Variants in ALDH7A1 observed in about 807,000 individuals in gnomAD.
ALDH7A1 encodes alpha-aminoadipic semialdehyde dehydrogenase.
Under a neutral mutation model 79.9 loss-of-function variants are expected in ALDH7A1, and 63 were observed. The observed-to-expected ratio is 0.79, with a 90% CI of 0.64 to 0.97. The LOEUF is 0.97. Among genes scored for constraint, ALDH7A1 ranks in the 50% least tolerant of loss-of-function variants. The pLI is 0.00. For missense variants in ALDH7A1, 627 were observed against 665.2 expected, an observed-to-expected ratio of 0.94 and a Z score of 0.63; for synonymous variants, 240 against 231.2, an observed-to-expected ratio of 1.04 and a Z score of -0.34.
intron 3 of ALDH7A1, chr5:126,592,450 T>C (rs918295711): frequency 8.5e-6 from 5 of 588,870 alleles, no homozygotes; most frequent in African/African-American, 1.9e-5. Context: ...AATTTATCCA[T>C]TCAATGAATG....
chr5:126,541,955 A>G lies in ALDH7A1; in HGVS notation c.*3010T>C, dbSNP rs1382303113. 1 of 66,638 alleles carries G rather than the reference A, an allele frequency of 1.5e-5. No homozygotes were observed. The highest frequency in any genetic ancestry group is 7.7e-4 in the South Asian group (1 of 1,296). 4.1% of individuals were successfully genotyped at this position (66,638 alleles called of 1,614,324 possible). ...AAAAATGTCAATAAAACATTTGTGGACCTTTCCAATAGAAAAAAAAAAAGA... is the reference window on the plus strand; with the variant it reads ...AAAAATGTCAATAAAACATTTGTGGGCCTTTCCAATAGAAAAAAAAAAAGA... On this transcript the variant is annotated 3_prime_UTR_variant, in exon 18 of 18. Transcript: ENST00000409134.
intron 3 of ALDH7A1, among the ~76,000 whole-genome samples, chr5:126,590,212 G>C (rs1359169179): frequency 6.6e-6 from 1 of 152,130 alleles, no homozygotes; most frequent in East Asian, 1.9e-4. Context: ...TGTCTGGGAA[G>C]TGAGGAGCGC....
chr5:126,592,830 T>C, intron 2 of ALDH7A1, 101 bp from the exon 3 acceptor site: 1 of 1,164,038 alleles, frequency 8.6e-7, no homozygotes, highest in Non-Finnish European at 1.3e-6. Context: ...GGGAAATCTC[T>C]AGGGTTCCCT....
chr5:126,547,640 C>G (rs542257219), intron 16 of ALDH7A1, among the ~76,000 whole-genome samples: 41 of 152,274 alleles, frequency 2.7e-4, no homozygotes, highest in African/African-American at 9.9e-4. Context: ...ACAGAAACCT[C>G]TATCATAATA....
At chr5:126,583,135 C>T (rs940814358) in intron 4 of ALDH7A1, among the ~76,000 whole-genome samples, 161 bp from the exon 5 acceptor site, 1 of 152,196 alleles carries the variant, frequency 6.6e-6, no homozygotes, top group South Asian at 2.1e-4. Context: ...ATTGCCTTCA[C>T]TTTTTCCTGT....
At chr5:126,582,202 T>C in intron 5 of ALDH7A1, 1 of 398,404 alleles carries the variant, frequency 2.5e-6, no homozygotes, top group Non-Finnish European at 4.4e-6. Flanking sequence ...ACTACTTCCA[T>C]GGGGTACTAT....
chr5:126,591,757 C>T (rs573359535), intron 3 of ALDH7A1, among the ~76,000 whole-genome samples: 187 of 152,142 alleles, frequency 1.2e-3, no homozygotes, highest in African/African-American at 4.3e-3. Context: ...TAGCTCCCAC[C>T]TAGTGACAAG....
intron 3 of ALDH7A1, 53 bp from the exon 4 acceptor site, chr5:126,584,065 A>G (rs1041474085): frequency 2.2e-6 from 3 of 1,392,364 alleles, no homozygotes; most frequent in African/African-American, 2.8e-5. Context: ...ATTCATGTTT[A>G]TAACACAGTA....
intron 1 of ALDH7A1, chr5:126,593,801 G>A (rs955315106): frequency 3.1e-5 from 10 of 318,826 alleles, no homozygotes; most frequent in African/African-American, 1.5e-4. Context: ...GGAAAGTCCC[G>A]TGTCCACACC....
chr5:126,584,710 T>C (rs995066128), intron 3 of ALDH7A1, among the ~76,000 whole-genome samples: 1 of 139,590 alleles, frequency 7.2e-6, no homozygotes, highest in Non-Finnish European at 1.6e-5. Flanking sequence ...AAACAGCAAG[T>C]GGATTCACGG....
chr5:126,551,320 C>CTT (rs10666972), intron 14 of ALDH7A1, among the ~76,000 whole-genome samples: 23,973 of 145,824 alleles, frequency 0.16, 2,624 homozygotes, highest in East Asian at 0.5. Flanking sequence ...AACTATAGGT[C>CTT]TTTTTTTTTT....
At chr5:126,545,250 T>A (rs1407893070) in intron 17 of ALDH7A1, among the ~76,000 whole-genome samples, 5 of 152,030 alleles carry the variant, frequency 3.3e-5, no homozygotes, top group African/African-American at 1.2e-4. Context: ...TACATGGTTT[T>A]TTTTGTTGGT....
At chr5:126,558,166 C>CAAAAAAAAAAAAAAAAAAAAAAAA (rs35559498) in intron 11 of ALDH7A1, among the ~76,000 whole-genome samples, 2 of 75,426 alleles carry the variant, frequency 2.7e-5, no homozygotes, top group African/African-American at 5.5e-5. Flanking sequence ...GACTCCAACT[C>CAAAAAAAAAAAAAAAAAAAAAAAA]AAAAAAAAAA....
intron 8 of ALDH7A1, chr5:126,568,590 G>T: frequency 1.9e-6 from 1 of 522,344 alleles, no homozygotes; most frequent in East Asian, 3.5e-5. Flanking sequence ...AAATCACCTA[G>T]AGGAAGTTGT....
intron 9 of ALDH7A1, chr5:126,561,761 C>T (rs1374853304): frequency 6.6e-6 from 1 of 152,150 alleles, no homozygotes; most frequent in African/African-American, 2.4e-5. Flanking sequence ...CTGTAGAAAA[C>T]AGTATGGCAA....
At chr5:126,593,021 A>G (rs942168037) in intron 2 of ALDH7A1, among the ~76,000 whole-genome samples, 3 of 152,282 alleles carry the variant, frequency 2.0e-5, no homozygotes, top group African/African-American at 7.2e-5. Context: ...TCCAACCCAG[A>G]CTTCGGAAAT....
intron 9 of ALDH7A1, among the ~76,000 whole-genome samples, chr5:126,564,196 T>C (rs10067785): frequency 0.79 from 120,642 of 151,996 alleles, 48,064 homozygotes; most frequent in Admixed American, 0.85. Context: ...CTCACTCTGT[T>C]GCCAGGCTGG....
At chr5:126,569,033 G>A (rs1272118265) in intron 8 of ALDH7A1, 1 of 152,822 alleles carries the variant, frequency 6.5e-6, no homozygotes, top group African/African-American at 2.4e-5. Flanking sequence ...GTACCAGTCT[G>A]TGGCCTATTA....
intron 16 of ALDH7A1, among the ~76,000 whole-genome samples, chr5:126,546,638 CAG>C (rs1424767649): frequency 7.3e-6 from 1 of 136,998 alleles, no homozygotes; most frequent in Non-Finnish European, 1.5e-5. Context: ...GAAATGGAAA[CAG>C]AAAGAAACGG....
Sources: allele counts gnomAD v4.1 joint callset (sites outside exome capture counted in the v4.1 genomes callset), GRCh38; gene constraint gnomAD v4.1.1; transcripts MANE v1.5; gene names NCBI Gene and HGNC (gene_info 2026-07-23, HGNC 2026-07-21).